Variants in MDN1 observed in about 807,000 individuals in gnomAD.
The protein encoded by MDN1 is midasin AAA ATPase 1.
MDN1 carries 266 observed loss-of-function variants against 669.2 expected under a neutral mutation model. That is an observed-to-expected ratio of 0.40 (90% CI 0.36 to 0.44). The LOEUF is 0.44. Among genes scored for constraint, MDN1 ranks in the 20% least tolerant of loss-of-function variants. The pLI, the probability that MDN1 is intolerant of heterozygous loss-of-function variation, is 1.00. For missense variants in MDN1, 5,940 were observed against 6,754.0 expected, an observed-to-expected ratio of 0.88 and a Z score of 4.22; for synonymous variants, 2,385 against 2,457.1, an observed-to-expected ratio of 0.97 and a Z score of 0.87.
Position 89,740,269 on chromosome 6 carries a change from T to C in MDN1, c.4558A>G (p.Thr1520Ala), listed in dbSNP as rs147405280. ...CCAAAGTCACCCCCAGGGTTCATGGTTGCTAGAATACGAAATTTTTTCCCA... is the reference window on the plus strand; with the variant it reads ...CCAAAGTCACCCCCAGGGTTCATGGCTGCTAGAATACGAAATTTTTTCCCA... ...TAGKKFRILATMNPGGDFGKK... is the reference protein window; with the variant it reads ...TAGKKFRILAAMNPGGDFGKK... The change falls in exon 32 of 102, where the codon ACC (threonine) becomes GCC (alanine). Residue 1520 changes from threonine (T) to alanine (A), a missense_variant. Coordinates refer to ENST00000369393, the MANE Select transcript of MDN1 (RefSeq NM_014611.3). 1.8e-4 allele frequency: 287 copies of C among 1,612,130 alleles called. No homozygotes were observed. Among genetic ancestry groups the C allele is most frequent in the African/African-American group, 1.7e-4 (13 of 74,826 alleles).
In MDN1 at chr6:89,644,023, T is replaced by C; in HGVS notation, c.16773A>G (p.Thr5591=). Residue 5591 remains threonine, a synonymous_variant, in exon 102 of 102, where the codon ACA becomes ACG. Transcript: ENST00000369393. The stretch of plus-strand genomic sequence containing the variant: ...TTCTGTTCTATGGGTGGTCAGAGGC[T>C]GTCACCAACTCAAACCACTGTCTGA... ...DALRQWFELV[T]ASDHP 1 of 1,612,228 alleles carries C rather than the reference T, an allele frequency of 6.2e-7. No homozygotes were observed. The highest frequency in any genetic ancestry group is 8.5e-7 in the Non-Finnish European group (1 of 1,179,042).
rs1036853 is a variant in MDN1, at chr6:89,789,783, G to A, written c.1227C>T (p.Asp409=). 208,690 of 1,606,016 alleles carry A rather than the reference G, an allele frequency of 0.13. 14,603 individuals are homozygous for A. Among genetic ancestry groups the A allele is most frequent in the South Asian group, 0.17 (15,118 of 89,694 alleles). The change falls in exon 7 of 102, where the codon GAC becomes GAT. Residue 409 remains aspartate (D), a synonymous_variant. Transcript: ENST00000369393. ...LLEDIDYAPL[D]VVSVLIPLLE... ...TGAATTTCCTGAGATGACATACCACGTCTAAGGGGGCATAGTCAATATCCT... is the reference window on the plus strand; with the variant it reads ...TGAATTTCCTGAGATGACATACCACATCTAAGGGGGCATAGTCAATATCCT...
chr6:89,728,079 AAGATAG>A (rs1197108029), intron 36 of MDN1, 124 bp from the exon 37 acceptor site: 16 of 1,153,518 alleles, frequency 1.4e-5, no homozygotes, highest in Non-Finnish European at 1.9e-5. Context: ...TCCTACACCC[AAGATAG>A]AACTAACCAA....
intron 49 of MDN1, among the ~76,000 whole-genome samples, chr6:89,711,414 T>C (rs1813906977): frequency 6.6e-6 from 1 of 152,210 alleles, no homozygotes; most frequent in Admixed American, 6.5e-5. Flanking sequence ...ACTATTTACA[T>C]AGCATTTACA....
At chr6:89,736,674 G>C (rs1815993273) in intron 33 of MDN1, among the ~76,000 whole-genome samples, 1 of 152,064 alleles carries the variant, frequency 6.6e-6, no homozygotes, top group Admixed American at 6.5e-5. Flanking sequence ...CATGCCTACA[G>C]TGCCAAGTAT....
intron 16 of MDN1, among the ~76,000 whole-genome samples, chr6:89,762,111 A>G (rs1440001516): frequency 2.0e-5 from 3 of 152,210 alleles, no homozygotes; most frequent in Non-Finnish European, 4.4e-5. Flanking sequence ...CTTACTGACC[A>G]CTAAATAGTA....
At chr6:89,644,373 T>C (rs1808344271) in intron 101 of MDN1, among the ~76,000 whole-genome samples, 180 bp from the exon 102 acceptor site, 1 of 152,154 alleles carries the variant, frequency 6.6e-6, no homozygotes, top group South Asian at 2.1e-4. Flanking sequence ...AGGAGGTAGA[T>C]GTCTTTCTGA....
intron 2 of MDN1, among the ~76,000 whole-genome samples, 198 bp from the exon 3 acceptor site, chr6:89,794,999 C>T (rs904411952): frequency 9.9e-4 from 151 of 152,298 alleles, no homozygotes; most frequent in African/African-American, 3.4e-3. Flanking sequence ...CAAAACAGAA[C>T]TCCCAAGGGT....
chr6:89,780,436 T>C, intron 10 of MDN1, 143 bp from the exon 11 acceptor site: 1 of 460,646 alleles, frequency 2.2e-6, no homozygotes, highest in South Asian at 6.2e-5. Flanking sequence ...AGATAAAAGG[T>C]ATTTGGGAAA....
chr6:89,806,760 T>A (rs948767042), intron 1 of MDN1, among the ~76,000 whole-genome samples: 7 of 151,890 alleles, frequency 4.6e-5, no homozygotes, highest in African/African-American at 1.4e-4. Flanking sequence ...TTAAAAAATT[T>A]TTTTTTTTTT....
chr6:89,805,161 G>A (rs1380079213), intron 1 of MDN1, among the ~76,000 whole-genome samples: 4 of 151,690 alleles, frequency 2.6e-5, no homozygotes, highest in Non-Finnish European at 4.4e-5. Flanking sequence ...CTGCACAACC[G>A]TTTCTGCCCA....
At chr6:89,741,176 G>C (rs1562165513) in intron 31 of MDN1, among the ~76,000 whole-genome samples, 1 of 152,210 alleles carries the variant, frequency 6.6e-6, no homozygotes, top group South Asian at 2.1e-4. Flanking sequence ...AAGCTGCAGT[G>C]AGCTGAGACT....
At chr6:89,654,625 C>G (rs564643244) in intron 92 of MDN1, among the ~76,000 whole-genome samples, 1 of 152,002 alleles carries the variant, frequency 6.6e-6, no homozygotes, top group Non-Finnish European at 1.5e-5. Context: ...CAAAGTACAC[C>G]GTCAAATGCT....
intron 11 of MDN1, among the ~76,000 whole-genome samples, chr6:89,778,469 T>C (rs1395358653): frequency 6.6e-6 from 1 of 152,108 alleles, no homozygotes; most frequent in Non-Finnish European, 1.5e-5. Context: ...GTTACAAACA[T>C]TAATATTAAA....
chr6:89,665,550 T>C (rs1290788741), intron 84 of MDN1, among the ~76,000 whole-genome samples: 3 of 148,746 alleles, frequency 2.0e-5, no homozygotes, highest in Non-Finnish European at 4.5e-5. Flanking sequence ...CTACTACATA[T>C]ACAAAAATTA....
Position 89,680,741 on chromosome 6 carries a change from G to A in MDN1, c.12113C>T (p.Pro4038Leu), listed in dbSNP as rs747097731. The A allele has an allele frequency of 4.3e-6, 7 of 1,613,796 alleles. No homozygotes were observed. The East Asian group carries it at 1.6e-4, about 36-fold the overall frequency. Reference sequence around the variant, plus strand: ...AGGAGCAGCGCCCTGACACCACTCTGGAATTGTGGCCTGTGAGACAAAAGA... The same window carrying A: ...AGGAGCAGCGCCCTGACACCACTCTAGAATTGTGGCCTGTGAGACAAAAGA... ...AQPAAGQATI[P>L]EWCQGAAPSG... The change falls in exon 74 of 102, where the codon CCA (proline) becomes CTA (leucine). Residue 4038 changes from proline (P) to leucine (L), a missense_variant. Coordinates refer to ENST00000369393, the MANE Select transcript of MDN1 (RefSeq NM_014611.3).
At position 89,774,651 on chromosome 6, in the gene MDN1, C is replaced by T. The variant is rs775308932; in HGVS notation, c.1904G>A (p.Arg635Gln). The T allele has an allele frequency of 8.7e-6, 14 of 1,613,452 alleles. No individual in the cohort carries two copies. Among genetic ancestry groups the T allele is most frequent in the Admixed American group, 1.7e-5 (1 of 59,988 alleles). ...TAGGTGAACAGCCTCACTTTGTTTC[C>T]GTAGAAGCCGCACTCGACCCACTTG... is the stretch of plus-strand genomic sequence containing the variant. ...DLQVGRVRLLRKQSEAVHLQR... is the reference protein window; with the variant it reads ...DLQVGRVRLLQKQSEAVHLQR... Residue 635 changes from arginine (R) to glutamine (Q), a missense_variant, in exon 13 of 102, where the codon CGG (arginine) becomes CAG (glutamine). Physicochemically the swap from Arg to Gln is conservative, Grantham distance 43. Transcript: ENST00000369393.
chr6:89,692,806 T>C lies in MDN1; in HGVS notation c.10224A>G (p.Gln3408=). The change falls in exon 63 of 102, where the codon CAA becomes CAG. Residue 3408 remains glutamine (Q), a synonymous_variant. Coordinates refer to ENST00000369393, the MANE Select transcript of MDN1 (RefSeq NM_014611.3). ...CAGAGGCCACCAGCCTCATGCCATG[T>C]TGTAACTGCAATATGGATGCCTGCA... The part of the protein sequence containing the change: ...SPLQASILQL[Q]HGMRLVASEL... 2 of 1,614,216 alleles carry C rather than the reference T, an allele frequency of 1.2e-6. No individual in the cohort carries two copies. Among genetic ancestry groups the C allele is most frequent in the South Asian group, 1.1e-5 (1 of 91,084 alleles).
At chr6:89,766,191 C>T (rs560779487) in intron 15 of MDN1, among the ~76,000 whole-genome samples, 2 of 151,946 alleles carry the variant, frequency 1.3e-5, no homozygotes, top group Non-Finnish European at 2.9e-5. Flanking sequence ...CCCAGGTACT[C>T]AGGAGGCTGA....
Sources: allele counts gnomAD v4.1 joint callset (sites outside exome capture counted in the v4.1 genomes callset), GRCh38; gene constraint gnomAD v4.1.1; transcripts MANE v1.5; gene names NCBI Gene and HGNC (gene_info 2026-07-23, HGNC 2026-07-21).